Variants in RALB observed in about 807,000 individuals in gnomAD.
The protein encoded by RALB is RAS like proto-oncogene B.
RALB carries 16 observed loss-of-function variants against 21.3 expected under a neutral mutation model. The observed-to-expected ratio is 0.75, with a 90% CI of 0.51 to 1.14. RALB has a LOEUF of 1.14. Ranked by LOEUF, RALB falls within the 50% of genes most tolerant of loss-of-function variation. The pLI is 0.00. For synonymous variants in RALB, 93 were observed against 96.1 expected, an observed-to-expected ratio of 0.97 and a Z score of 0.19; for missense variants, 161 against 256.2, an observed-to-expected ratio of 0.63 and a Z score of 2.54.
chr2:120,278,023 G>T (rs1298035764), intron 1 of RALB, among the ~76,000 whole-genome samples: 5 of 108,976 alleles, frequency 4.6e-5, no homozygotes, highest in African/African-American at 1.9e-4. Flanking sequence ...ATGTGTGAAT[G>T]TGAATGTGAG....
intron 1 of RALB, among the ~76,000 whole-genome samples, chr2:120,275,202 A>G (rs1367736284): frequency 2.0e-5 from 3 of 152,238 alleles, no homozygotes; most frequent in South Asian, 2.1e-4. Context: ...TCAGTTCCCA[A>G]TTGAAAAGGT....
In RALB at chr2:120,293,484, C is replaced by T; in HGVS notation, c.*224C>T. The T allele has an allele frequency of 9.6e-6, 3 of 313,126 alleles. No individual in the cohort carries two copies. The highest frequency in any genetic ancestry group is 1.7e-5 in the Non-Finnish European group (3 of 175,132). The allele number at this position is 313,126 out of a possible 1,614,324, so 19.4% of individuals were successfully genotyped here. ...TGTCAGGAGGTTGTGGAATTTCTTT[C>T]TTCTCCCCTTCTTCCCTCCCAAAAG... On this transcript the variant is annotated 3_prime_UTR_variant, in exon 5 of 5. Coordinates refer to ENST00000272519, the MANE Select transcript of RALB (RefSeq NM_002881.3).
At chr2:120,290,719 T>G (rs1364004744) in intron 4 of RALB, among the ~76,000 whole-genome samples, 1 of 151,906 alleles carries the variant, frequency 6.6e-6, no homozygotes, top group East Asian at 1.9e-4. Context: ...TGAGTGACAA[T>G]GATGAATGCT....
intron 4 of RALB, among the ~76,000 whole-genome samples, chr2:120,290,133 G>A (rs1349485036): frequency 6.6e-6 from 1 of 152,082 alleles, no homozygotes; most frequent in African/African-American, 2.4e-5. Flanking sequence ...CAAGTAGCTG[G>A]GACTACAGGT....
chr2:120,241,554 C>T (rs1377178221), intron 1 of RALB, among the ~76,000 whole-genome samples: 12 of 152,046 alleles, frequency 7.9e-5, no homozygotes, highest in South Asian at 2.1e-4. Flanking sequence ...GGCAAAACCC[C>T]GCTGCTACTA....
intron 4 of RALB, 120 bp from the exon 5 acceptor site, chr2:120,293,021 G>T: frequency 9.3e-7 from 1 of 1,069,870 alleles, no homozygotes. Flanking sequence ...ATCCTGCTTA[G>T]TCAAATTATT....
At chr2:120,281,580 A>G (rs993914406) in intron 2 of RALB, among the ~76,000 whole-genome samples, 2 of 152,144 alleles carry the variant, frequency 1.3e-5, no homozygotes, top group African/African-American at 4.8e-5. Flanking sequence ...CATGCTCCCC[A>G]TGTCTTATAA....
intron 2 of RALB, among the ~76,000 whole-genome samples, chr2:120,283,604 T>C (rs745392047): frequency 6.6e-6 from 1 of 152,236 alleles, no homozygotes. Context: ...AAGCTCCTTA[T>C]GCTCGGCCTA....
At chr2:120,287,686 C>T (rs1690199825) in intron 3 of RALB, among the ~76,000 whole-genome samples, 1 of 152,254 alleles carries the variant, frequency 6.6e-6, no homozygotes, top group Non-Finnish European at 1.5e-5. Flanking sequence ...CACACATGCA[C>T]AGATAGCACT....
chr2:120,265,650 A>G (rs1361417965), intron 1 of RALB, among the ~76,000 whole-genome samples: 1 of 152,196 alleles, frequency 6.6e-6, no homozygotes, highest in African/African-American at 2.4e-5. Flanking sequence ...AGCACAGACC[A>G]TGTAGTGGCT....
In RALB at chr2:120,245,419, TG is replaced by T. The variant is rs1196721378; in HGVS notation, c.19+5295del. On this transcript the variant is annotated intron_variant, in intron 1 of 3. Transcript: ENST00000447591. ...TGAACTGCTGAGGGGAGGGGAGGAG[TG>T]CTCTGCAATGTCACTTGAGAGAGTC... Among the ~76,000 whole-genome samples the T allele has an allele frequency of 2.7e-5, 4 of 150,588 alleles. No homozygotes were observed. The East Asian group carries it at 5.9e-4, about 22-fold the overall frequency.
In RALB at chr2:120,289,543, T is replaced by C. The variant is rs112971955; in HGVS notation, c.324-37T>C. 53 of 1,597,590 alleles carry C rather than the reference T, an allele frequency of 3.3e-5. No homozygotes were observed. In the African/African-American group the frequency reaches 6.2e-4, roughly 19 times the overall value. ...CACAAAACCAGGGTTCGTTCTTTAG[T>C]TTTTTTAGCTGCTGTATTTTTGGTG... is the stretch of plus-strand genomic sequence containing the variant. On this transcript the variant is annotated intron_variant, in intron 3 of 4. Transcript: ENST00000272519.
At chr2:120,274,239 AAC>A (rs887146278) in intron 1 of RALB, among the ~76,000 whole-genome samples, 1 of 152,138 alleles carries the variant, frequency 6.6e-6, no homozygotes, top group Non-Finnish European at 1.5e-5. Flanking sequence ...CACCTTCCTA[AAC>A]TCAAGCCTTT....
chr2:120,262,783 C>A (rs11890713), intron 1 of RALB, among the ~76,000 whole-genome samples: 2 of 152,154 alleles, frequency 1.3e-5, no homozygotes, highest in African/African-American at 4.8e-5. Context: ...ATTGGTTATG[C>A]CTCTAAGGCA....
rs910522010 is a variant in RALB at position 120,294,205 on chromosome 2, G to A, written c.*945G>A. 4.8e-5 allele frequency: 19 copies of A among 398,600 alleles called. No homozygotes were observed. The highest frequency in any genetic ancestry group is 1.8e-4 in the Admixed American group (4 of 22,736). The allele number at this position is 398,600 out of a possible 1,614,324, so 24.7% of individuals were successfully genotyped here. A position where few individuals can be genotyped will look rare whatever the true frequency, so the allele number is the denominator to read the frequency against. ...TGTCACACACACTCTTCCCAAAGAC[G>A]TGATGAGTTAAAGTTGTATTCTGAA... is the stretch of plus-strand genomic sequence containing the variant. On this transcript the variant is annotated 3_prime_UTR_variant, in exon 5 of 5. Transcript: ENST00000272519.
intron 4 of RALB, among the ~76,000 whole-genome samples, chr2:120,292,616 T>C (rs1218032907): frequency 2.0e-5 from 3 of 152,208 alleles, no homozygotes; most frequent in Non-Finnish European, 2.9e-5. Context: ...TGCAAAAATA[T>C]GTCTTACCCT....
At chr2:120,252,563 C>A (rs1689076231), upstream of RALB, among the ~76,000 whole-genome samples, 1 of 152,238 alleles carries the variant, frequency 6.6e-6, no homozygotes, top group Non-Finnish European at 1.5e-5. Flanking sequence ...TCAATACCGG[C>A]GGGCAGCTCC....
At chr2:120,243,965 G>A (rs1375464509) in intron 1 of RALB, among the ~76,000 whole-genome samples, 2 of 152,136 alleles carry the variant, frequency 1.3e-5, no homozygotes, top group African/African-American at 4.8e-5. Context: ...AAGAAAAGAG[G>A]TTTAATTGAC....
chr2:120,278,863 C>T, intron 2 of RALB, 85 bp downstream of exon 2: 1 of 1,288,064 alleles, frequency 7.8e-7, no homozygotes, highest in Non-Finnish European at 1.0e-6. Context: ...GCCGGTCCTC[C>T]CGTACACAGG....
Sources: allele counts gnomAD v4.1 joint callset (sites outside exome capture counted in the v4.1 genomes callset), GRCh38; gene constraint gnomAD v4.1.1; transcripts MANE v1.5; gene names NCBI Gene and HGNC (gene_info 2026-07-23, HGNC 2026-07-21).